Variants in CTBP1 observed in about 807,000 individuals in gnomAD.
CTBP1 encodes the protein C-terminal binding protein 1.
A neutral mutation model predicts 42.1 loss-of-function variants in CTBP1; 11 were observed. The observed-to-expected ratio is 0.26, with a 90% CI of 0.16 to 0.43. The LOEUF is 0.43. CTBP1 is among the 20% of genes least tolerant of loss of function. The pLI is 1.00. For synonymous variants in CTBP1, 324 were observed against 277.1 expected, an observed-to-expected ratio of 1.17 and a Z score of -1.68; for missense variants, 399 against 624.3, an observed-to-expected ratio of 0.64 and a Z score of 3.85.
At chr4:1,224,128 G>A (rs1417558418) in intron 5 of CTBP1, among the ~76,000 whole-genome samples, 3 of 152,254 alleles carry the variant, frequency 2.0e-5, no homozygotes, top group African/African-American at 7.2e-5. Context: ...ATGCTAGACC[G>A]TGGTTGATGT....
In CTBP1 at chr4:1,246,304, G is replaced by A. The variant is rs74856648; in HGVS notation, c.-189+2612C>T. Among the ~76,000 whole-genome samples the A allele has an allele frequency of 7.5e-3, 1,146 of 152,158 alleles. 4 individuals are homozygous for A. The highest frequency in any genetic ancestry group is 0.013 in the Non-Finnish European group (853 of 68,004). ...CCGGCGCTCCGACCAGCGTTCCCTT[G>A]GGCGATGCAGTTCAACCACAGAACC... On this transcript the variant is annotated intron_variant, in intron 1 of 9. Transcript: ENST00000382952.
chr4:1,243,446 C>T, intron 1 of CTBP1: 1 of 985,378 alleles, frequency 1.0e-6, no homozygotes, highest in Non-Finnish European at 1.2e-6. Flanking sequence ...TTCCTTGTTC[C>T]AAGGCTGCTC....
chr4:1,212,718 C>G (rs982722124), intron 9 of CTBP1, 195 bp downstream of exon 9: 8 of 627,548 alleles, frequency 1.3e-5, no homozygotes, highest in Admixed American at 2.9e-5. Flanking sequence ...GCCCTGAAGG[C>G]CACCCCAGCC....
At position 1,241,483 on chromosome 4, in the gene CTBP1, G is replaced by A. The variant is rs142091118; in HGVS notation, c.-152C>T. The A allele has an allele frequency of 6.2e-5, 100 of 1,603,782 alleles. No homozygotes were observed. Among genetic ancestry groups the A allele is most frequent in the Admixed American group, 1.5e-4 (9 of 59,906 alleles). On this transcript the variant is annotated 5_prime_UTR_variant, in exon 2 of 10. Coordinates refer to ENST00000382952, the MANE Select transcript of CTBP1 (RefSeq NM_001012614.2). Reference sequence around the variant, plus strand: ...CAAAGTGCTCAGGCTTCTGATCCGCGGCAATCACTGAAGCCTGCGTCGGGG... The same window carrying A: ...CAAAGTGCTCAGGCTTCTGATCCGCAGCAATCACTGAAGCCTGCGTCGGGG...
intron 1 of CTBP1, chr4:1,244,322 G>A (rs545006250): frequency 8.4e-5 from 83 of 982,256 alleles, no homozygotes; most frequent in Non-Finnish European, 9.2e-5. Flanking sequence ...GACCTGCCCC[G>A]ATCCAGACAG....
chr4:1,224,488 CGT>C (rs1730106658), intron 5 of CTBP1, among the ~76,000 whole-genome samples: 1 of 150,640 alleles, frequency 6.6e-6, no homozygotes, highest in Non-Finnish European at 1.5e-5. Flanking sequence ...CTGTGATGTC[CGT>C]GTGTGATGTC....
chr4:1,250,015 G>C (rs534910166), upstream of CTBP1: 1 of 159,010 alleles, frequency 6.3e-6, no homozygotes, highest in African/African-American at 2.4e-5. Context: ...TATTCCTCGC[G>C]CCGCGAGTGG....
chr4:1,242,325 G>A (rs1732262676), intron 1 of CTBP1: 1 of 985,338 alleles, frequency 1.0e-6, no homozygotes, highest in Non-Finnish European at 1.2e-6. Flanking sequence ...ACAGCACCGA[G>A]GCTGACCCCA....
At chr4:1,214,015 T>C in intron 7 of CTBP1, 1 of 420,354 alleles carries the variant, frequency 2.4e-6, no homozygotes, top group Non-Finnish European at 4.2e-6. Flanking sequence ...GGGCTGCAGG[T>C]CTGGACGGGA....
rs1021023691 is a variant in CTBP1, at chr4:1,241,946, C to G, written c.-188-427G>C. The G allele has an allele frequency of 1.1e-5, 11 of 1,026,408 alleles. No homozygotes were observed. In the African/African-American group the frequency reaches 1.2e-4, roughly 11 times the overall value. 63.6% of individuals were successfully genotyped at this position (1,026,408 alleles called of 1,614,324 possible). ...AGCTTCTATCTCATGTCACTGATTC[C>G]CGGGCCTCTGTGACCAGGCAAGGAC... On this transcript the variant is annotated intron_variant, in intron 1 of 9. Coordinates refer to ENST00000382952, the MANE Select transcript of CTBP1 (RefSeq NM_001012614.2).
chr4:1,248,253 G>A (rs964829016), intron 1 of CTBP1, among the ~76,000 whole-genome samples: 2 of 151,878 alleles, frequency 1.3e-5, no homozygotes, highest in African/African-American at 4.8e-5. Context: ...GGGCCGGTCC[G>A]GGACCTCGCG....
At chr4:1,214,031 T>G in intron 7 of CTBP1, 1 of 434,446 alleles carries the variant, frequency 2.3e-6, no homozygotes, top group Non-Finnish European at 4.1e-6. Flanking sequence ...CGGGATGCCA[T>G]GACTCCATGG....
chr4:1,248,065 G>A (rs1275402114), intron 1 of CTBP1, among the ~76,000 whole-genome samples: 2 of 152,246 alleles, frequency 1.3e-5, no homozygotes, highest in East Asian at 1.9e-4. Flanking sequence ...TTTGCAGCCG[G>A]GTCGAGGGAA....
chr4:1,243,986 A>G lies in CTBP1; in HGVS notation c.-188-2467T>C, dbSNP rs1307201051. The G allele has an allele frequency of 6.1e-6, 6 of 985,350 alleles. No homozygotes were observed. In the African/African-American group the frequency reaches 8.7e-5, roughly 14 times the overall value. 61.0% of individuals were successfully genotyped at this position (985,350 alleles called of 1,614,324 possible). A position where few individuals can be genotyped will look rare whatever the true frequency, so the allele number is the denominator to read the frequency against. ...GAGCACATGGAAGCTTGTGCTTCCT[A>G]TTTTCCTGTAAATCTAAGACTGCTC... On this transcript the variant is annotated intron_variant, in intron 1 of 9. Coordinates refer to ENST00000382952, the MANE Select transcript of CTBP1 (RefSeq NM_001012614.2).
chr4:1,225,670 A>C, intron 4 of CTBP1, 104 bp from the exon 5 acceptor site: 14 of 1,264,790 alleles, frequency 1.1e-5, no homozygotes, highest in Non-Finnish European at 1.5e-5. Context: ...CCCAAGGAAG[A>C]AGCCAAAGGC....
chr4:1,223,320 C>T, intron 5 of CTBP1: 1 of 404,848 alleles, frequency 2.5e-6, no homozygotes. Flanking sequence ...CCAGCCAGCC[C>T]TGGGGTCCTG....
Position 1,214,492 on chromosome 4 carries a change from G to A in CTBP1, c.730-19C>T. The A allele has an allele frequency of 6.4e-7, 1 of 1,556,472 alleles. No individual in the cohort carries two copies. The highest frequency in any genetic ancestry group is 8.6e-7 in the Non-Finnish European group (1 of 1,158,650). Reference sequence around the variant, plus strand: ...GTCTCATCTAGAAGACATAAGGACAGGCCAGGCCCAGTCAGGGATCCGCAC... The same window carrying A: ...GTCTCATCTAGAAGACATAAGGACAAGCCAGGCCCAGTCAGGGATCCGCAC... On this transcript the variant is annotated intron_variant, in intron 6 of 9. Transcript: ENST00000382952.
intron 5 of CTBP1, 21 bp downstream of exon 5, chr4:1,225,339 G>A (rs373836742): frequency 7.2e-6 from 11 of 1,534,866 alleles, no homozygotes; most frequent in East Asian, 2.4e-5. Flanking sequence ...GGACACAGGC[G>A]TGGAGCTGCG....
chr4:1,228,095 T>C, intron 4 of CTBP1, 104 bp downstream of exon 4: 3 of 1,478,918 alleles, frequency 2.0e-6, no homozygotes, highest in African/African-American at 1.4e-5. Flanking sequence ...CACCAGGCAA[T>C]GTGCAACGGG....
Sources: gnomAD v4.1 joint callset for allele counts (sites outside exome capture counted in the v4.1 genomes callset) on GRCh38, gnomAD v4.1.1 for gene constraint, MANE v1.5 for transcripts, NCBI Gene and HGNC (gene_info 2026-07-23, HGNC 2026-07-21) for gene names.